The following UNC5D variants were observed in gnomAD, a reference collection of about 807,000 sequenced individuals.
UNC5D encodes the protein unc-5 netrin receptor D.
Under a neutral mutation model 105.4 loss-of-function variants are expected in UNC5D, and 39 were observed. The observed-to-expected ratio is 0.37, with a 90% confidence interval of 0.29 to 0.48. The LOEUF (loss-of-function observed/expected upper bound fraction) is 0.48. Ranked by LOEUF, UNC5D falls within the 20% of genes least tolerant of loss-of-function variation. The pLI is 0.98. For missense variants in UNC5D, 991 were observed against 1,202.4 expected (o/e 0.82, Z 2.60); for synonymous variants, 452 against 450.4 (o/e 1.00, Z -0.04).
chr8:35,544,538 A>T, intron 1 of UNC5D: 7 of 1,611,916 alleles, frequency 4.3e-6, no homozygotes, highest in Non-Finnish European at 5.9e-6. Context: ...TTCACCAGGT[A>T]AGGCAGGAAC....
At chr8:35,338,924 A>G (rs1267756460) in intron 1 of UNC5D, among the ~76,000 whole-genome samples, 2 of 151,782 alleles carry the variant, frequency 1.3e-5, no homozygotes, top group African/African-American at 4.9e-5. Flanking sequence ...GTAAGCCTGT[A>G]TGTACCTTGG....
At chr8:35,287,737 G>A (rs1338494469) in intron 1 of UNC5D, among the ~76,000 whole-genome samples, 1 of 152,076 alleles carries the variant, frequency 6.6e-6, no homozygotes, top group Non-Finnish European at 1.5e-5. Context: ...AGCCCTGGAG[G>A]TTGAGGCTGC....
At chr8:35,592,540 C>T (rs76101572) in intron 3 of UNC5D, among the ~76,000 whole-genome samples, 1 of 152,180 alleles carries the variant, frequency 6.6e-6, no homozygotes, top group East Asian at 1.9e-4. Context: ...AGCTATACCT[C>T]TGTGTCTAAA....
At chr8:35,487,182 C>T (rs1157276794) in intron 1 of UNC5D, among the ~76,000 whole-genome samples, 1 of 149,362 alleles carries the variant, frequency 6.7e-6, no homozygotes, top group East Asian at 1.9e-4. Context: ...ATGAATGCCT[C>T]ATGAAATTGA....
chr8:35,538,032 G>A (rs1814964505), intron 1 of UNC5D, among the ~76,000 whole-genome samples: 1 of 152,102 alleles, frequency 6.6e-6, no homozygotes, highest in Non-Finnish European at 1.5e-5. Flanking sequence ...TACATGAATA[G>A]TTGGGCATTG....
intron 1 of UNC5D, among the ~76,000 whole-genome samples, chr8:35,502,149 T>C (rs1812013933): frequency 6.6e-6 from 1 of 152,232 alleles, no homozygotes; most frequent in East Asian, 1.9e-4. Context: ...AAACATGTTT[T>C]ATGGGAAGTT....
intron 1 of UNC5D, among the ~76,000 whole-genome samples, chr8:35,397,012 T>C (rs1382977753): frequency 1.3e-5 from 2 of 152,048 alleles, no homozygotes; most frequent in African/African-American, 4.8e-5. Flanking sequence ...GTTCAAGCAA[T>C]TCTCCTGCCT....
intron 10 of UNC5D, 61 bp from the exon 11 acceptor site, chr8:35,730,951 T>A (rs1829158675): frequency 6.6e-7 from 1 of 1,517,780 alleles, no homozygotes; most frequent in African/African-American, 1.4e-5. Flanking sequence ...GGTGCTCGAG[T>A]GACAAACTTC....
chr8:35,745,096 A>T (rs1217764717), intron 11 of UNC5D, among the ~76,000 whole-genome samples: 1 of 152,148 alleles, frequency 6.6e-6, no homozygotes, highest in African/African-American at 2.4e-5. Context: ...CTTACATTCT[A>T]GTTTGTGGGA....
intron 3 of UNC5D, among the ~76,000 whole-genome samples, chr8:35,577,494 G>T (rs1236865307): frequency 6.6e-6 from 1 of 152,204 alleles, no homozygotes; most frequent in East Asian, 1.9e-4. Context: ...GGGACAACTT[G>T]AGCATCAAAA....
At chr8:35,456,617 C>A (rs895729471) in intron 1 of UNC5D, among the ~76,000 whole-genome samples, 1 of 152,128 alleles carries the variant, frequency 6.6e-6, no homozygotes, top group Admixed American at 6.5e-5. Context: ...CTTGTCAAAG[C>A]GTCACTTTGC....
chr8:35,587,446 A>G (rs1818863470), intron 3 of UNC5D, among the ~76,000 whole-genome samples: 1 of 152,224 alleles, frequency 6.6e-6, no homozygotes, highest in Non-Finnish European at 1.5e-5. Context: ...CATAGTCATC[A>G]TTCAGATGAG....
intron 8 of UNC5D, among the ~76,000 whole-genome samples, chr8:35,717,825 C>T (rs375794215): frequency 1.1e-4 from 16 of 152,306 alleles, no homozygotes; most frequent in South Asian, 4.1e-4. Flanking sequence ...CCTACAAAGA[C>T]GGTAGTCCTC....
At chr8:35,438,082 AT>A (rs1419462157) in intron 1 of UNC5D, among the ~76,000 whole-genome samples, 20 of 151,818 alleles carry the variant, frequency 1.3e-4, no homozygotes, top group African/African-American at 4.8e-4. Context: ...CCCTTTGTCC[AT>A]TTTGGAAAAG....
At chr8:35,281,889 T>G (rs1231586965) in intron 1 of UNC5D, among the ~76,000 whole-genome samples, 3 of 152,210 alleles carry the variant, frequency 2.0e-5, no homozygotes, top group Non-Finnish European at 2.9e-5. Flanking sequence ...ATATCCTTTT[T>G]GCTTTTACAT....
Position 35,726,493 on chromosome 8 carries a change from G to A in UNC5D, c.1645G>A (p.Gly549Ser). Residue 549 changes from glycine to serine, a missense_variant, in exon 10 of 17, where the codon GGC (glycine) becomes AGC (serine). By Grantham distance (56) the Gly-to-Ser change is moderately conservative (BLOSUM62 0). Coordinates refer to ENST00000404895, the MANE Select transcript of UNC5D (RefSeq NM_080872.4). ...AGAACTGAGGACAACTGGTGTCTTTGGCCATTTAGGGGGGCGCTTAGTAAT... is the reference window on the plus strand; with the variant it reads ...AGAACTGAGGACAACTGGTGTCTTTAGCCATTTAGGGGGGCGCTTAGTAAT... ...RTELRTTGVF[G>S]HLGGRLVMPN... 6.2e-7 allele frequency: 1 copy of A among 1,613,692 alleles called. No homozygotes were observed. Among genetic ancestry groups the A allele is most frequent in the Non-Finnish European group, 8.5e-7 (1 of 1,180,000 alleles).
intron 1 of UNC5D, among the ~76,000 whole-genome samples, chr8:35,505,657 G>T (rs1333182485): frequency 6.6e-6 from 1 of 152,244 alleles, no homozygotes; most frequent in Non-Finnish European, 1.5e-5. Context: ...GCAGGAAGCA[G>T]ATGGAAAACA....
chr8:35,435,062 CTG>C (rs1806919047), intron 1 of UNC5D, among the ~76,000 whole-genome samples: 1 of 152,048 alleles, frequency 6.6e-6, no homozygotes, highest in Non-Finnish European at 1.5e-5. Flanking sequence ...CTTGGAAAGA[CTG>C]TGGAGTATGG....
intron 14 of UNC5D, among the ~76,000 whole-genome samples, chr8:35,763,446 CTTTTTTT>C (rs201449850): frequency 8.0e-6 from 1 of 124,728 alleles, no homozygotes; most frequent in Non-Finnish European, 1.7e-5. Flanking sequence ...TGGTCAGTGC[CTTTTTTT>C]TTTTTTTTTT....
Sources: allele counts gnomAD v4.1 joint callset (sites outside exome capture counted in the v4.1 genomes callset), GRCh38; gene constraint gnomAD v4.1.1; transcripts MANE v1.5; gene names NCBI Gene and HGNC (gene_info 2026-07-23, HGNC 2026-07-21).